PTPDC1: variants seen among roughly 807,000 people sequenced by gnomAD.
The protein encoded by PTPDC1 is protein tyrosine phosphatase domain-containing protein 1.
In PTPDC1, 53 loss-of-function variants were observed where a neutral mutation model predicts 75.3. That is an observed-to-expected ratio of 0.70 (90% confidence interval 0.56 to 0.88). PTPDC1 has a LOEUF of 0.88. Among genes scored for constraint, PTPDC1 ranks in the 40% least tolerant of loss-of-function variants. The probability of loss-of-function intolerance (pLI) is 0.00; values close to 1 mark genes in which losing one functional copy is unlikely to be tolerated. For synonymous variants in PTPDC1, 349 were observed against 366.2 expected (o/e 0.95, Z 0.54); for missense variants, 925 against 998.6 (o/e 0.93, Z 0.99).
Position 94,087,923 on chromosome 9 carries a change from A to T in PTPDC1, c.497+12A>T. 6.2e-7 allele frequency: 1 copy of T among 1,605,846 alleles called. No individual in the cohort carries two copies. The highest frequency in any genetic ancestry group is 8.5e-7 in the Non-Finnish European group (1 of 1,172,660). On this transcript the variant is annotated intron_variant, in intron 3 of 8. Coordinates refer to ENST00000620992, the MANE Select transcript of PTPDC1 (RefSeq NM_001253829.2). ...GATCAGTTCCTCAGGTAAATGCTGTATTGTTCACACACGAGTGAGCAAACT... is the reference window on the plus strand; with the variant it reads ...GATCAGTTCCTCAGGTAAATGCTGTTTTGTTCACACACGAGTGAGCAAACT...
chr9:94,088,053 A>T (rs1358739647), intron 3 of PTPDC1, 92 bp from the exon 4 acceptor site: 13 of 1,499,998 alleles, frequency 8.7e-6, no homozygotes, highest in Non-Finnish European at 1.0e-5. Flanking sequence ...AAGATTTTTG[A>T]GAGTAATTAA....
chr9:94,104,682 T>C lies in PTPDC1; in HGVS notation c.2310+297T>C, dbSNP rs565895402. Among the ~76,000 whole-genome samples the C allele has an allele frequency of 8.1e-4, 123 of 152,364 alleles. 1 individual carries two copies. Among genetic ancestry groups the C allele is most frequent in the African/African-American group, 2.9e-3 (121 of 41,588 alleles). On this transcript the variant is annotated intron_variant, in intron 8 of 8. Coordinates refer to ENST00000620992, the MANE Select transcript of PTPDC1 (RefSeq NM_001253829.2). The stretch of plus-strand genomic sequence containing the variant: ...CAACTGAGTGTTGAATACATATTTT[T>C]AGATCATGTGCCTAATCAGAGTCAG...
intron 2 of PTPDC1, among the ~76,000 whole-genome samples, chr9:94,067,820 TC>T (rs1474015157): frequency 6.6e-6 from 1 of 152,196 alleles, no homozygotes; most frequent in East Asian, 1.9e-4. Flanking sequence ...CAGGCTGGTC[TC>T]AAACTCCTGG....
chr9:94,042,379 C>T (rs1012210430), intron 1 of PTPDC1, among the ~76,000 whole-genome samples: 1 of 152,094 alleles, frequency 6.6e-6, no homozygotes, highest in Non-Finnish European at 1.5e-5. Flanking sequence ...AGAGATATTG[C>T]AGGTTGGTTC....
intron 1 of PTPDC1, among the ~76,000 whole-genome samples, chr9:94,043,324 C>A (rs1181468573): frequency 6.6e-6 from 1 of 152,154 alleles, no homozygotes; most frequent in African/African-American, 2.4e-5. Context: ...CTATACTGAG[C>A]ATCTTTTCAT....
Position 94,109,440 on chromosome 9 carries a change from C to G in PTPDC1, c.*1496C>G, listed in dbSNP as rs1198096664. On this transcript the variant is annotated 3_prime_UTR_variant, in exon 9 of 9. Coordinates refer to ENST00000620992, the MANE Select transcript of PTPDC1 (RefSeq NM_001253829.2). ...AATGCCAAATGCTAAATGCAGTGTT[C>G]TTTCACACTGTTTTAATTTTCTTGG... The G allele has an allele frequency of 2.0e-5, 3 of 152,178 alleles. No individual in the cohort carries two copies. The East Asian group carries it at 5.8e-4, about 29-fold the overall frequency. 9.4% of individuals were successfully genotyped at this position (152,178 alleles called of 1,614,324 possible).
At chr9:94,095,261 T>G in intron 4 of PTPDC1, 56 bp from the exon 5 acceptor site, 1 of 1,185,726 alleles carries the variant, frequency 8.4e-7, no homozygotes, top group Non-Finnish European at 1.1e-6. Flanking sequence ...CATTAGTGTT[T>G]GTACTTTCAT....
chr9:94,064,582 C>G (rs1826239896), intron 1 of PTPDC1, among the ~76,000 whole-genome samples: 1 of 152,186 alleles, frequency 6.6e-6, no homozygotes, highest in African/African-American at 2.4e-5. Flanking sequence ...TTACACTTAA[C>G]AGCACATCTC....
chr9:94,081,750 A>G (rs943102728), upstream of PTPDC1, among the ~76,000 whole-genome samples: 1 of 152,172 alleles, frequency 6.6e-6, no homozygotes, highest in African/African-American at 2.4e-5. Context: ...TTGGAGGTTT[A>G]GCTATGAAGG....
chr9:94,061,750 C>T (rs1367466590), intron 1 of PTPDC1, among the ~76,000 whole-genome samples: 2 of 152,218 alleles, frequency 1.3e-5, no homozygotes, highest in Non-Finnish European at 2.9e-5. Flanking sequence ...GAGCAGTGTC[C>T]TGGGGCTGCA....
chr9:94,054,110 T>C (rs747722502), intron 1 of PTPDC1, among the ~76,000 whole-genome samples: 6 of 152,236 alleles, frequency 3.9e-5, no homozygotes, highest in Non-Finnish European at 7.3e-5. Context: ...TATTCCCTCA[T>C]GGAGCTTACA....
At chr9:94,071,569 G>A (rs1826512674) in intron 2 of PTPDC1, among the ~76,000 whole-genome samples, 1 of 152,154 alleles carries the variant, frequency 6.6e-6, no homozygotes, top group African/African-American at 2.4e-5. Flanking sequence ...CTATCCCAGT[G>A]CCCTGAAGCT....
Position 94,095,248 on chromosome 9 carries a change from T to TGCCG in PTPDC1, c.617-69_617-68insGCCG. The TGCCG allele has an allele frequency of 5.1e-6, 5 of 979,116 alleles. No homozygotes were observed. The South Asian group carries it at 8.1e-5, about 16-fold the overall frequency. The allele number at this position is 979,116 out of a possible 1,614,324, so 60.7% of individuals were successfully genotyped here. On this transcript the variant is annotated intron_variant, in intron 4 of 8. Transcript: ENST00000620992. ...CAGTCTCAGTGTAGATCTGTGTACT[T>TGCCG]TTCATTAGTGTTTGTACTTTCATTA...
At chr9:94,035,532 TAGTA>T (rs1429722277) in intron 1 of PTPDC1, among the ~76,000 whole-genome samples, 10 of 152,238 alleles carry the variant, frequency 6.6e-5, no homozygotes, top group African/African-American at 2.2e-4. Flanking sequence ...TAAGGCTGAA[TAGTA>T]GTCCATTGTG....
intron 1 of PTPDC1, among the ~76,000 whole-genome samples, chr9:94,049,133 C>A (rs1020784263): frequency 2.8e-4 from 43 of 152,030 alleles, no homozygotes; most frequent in Non-Finnish European, 1.0e-4. Flanking sequence ...AATACAGCAC[C>A]CTGTTGGGTC....
intron 1 of PTPDC1, among the ~76,000 whole-genome samples, chr9:94,058,726 A>G (rs997320488): frequency 6.7e-6 from 1 of 149,344 alleles, no homozygotes; most frequent in Non-Finnish European, 1.5e-5. Flanking sequence ...CAAAAAAGCT[A>G]TTAAAAACCC....
At chr9:94,100,036 A>G (rs962576210) in intron 6 of PTPDC1, 2 of 152,272 alleles carry the variant, frequency 1.3e-5, no homozygotes, top group Non-Finnish European at 2.9e-5. Context: ...CCATGCCTGT[A>G]CTAGACCATT....
intron 2 of PTPDC1, among the ~76,000 whole-genome samples, chr9:94,067,077 T>C (rs1448534216): frequency 1.3e-5 from 2 of 152,064 alleles, no homozygotes; most frequent in Non-Finnish European, 2.9e-5. Context: ...ACTCAAGGCA[T>C]CGCGTCATTT....
intron 1 of PTPDC1, among the ~76,000 whole-genome samples, chr9:94,036,906 C>A (rs1825290710): frequency 6.6e-6 from 1 of 152,184 alleles, no homozygotes; most frequent in Non-Finnish European, 1.5e-5. Context: ...TAATTTGTAG[C>A]AATCTACCCT....
Sources: allele counts gnomAD v4.1 joint callset (sites outside exome capture counted in the v4.1 genomes callset), GRCh38; gene constraint gnomAD v4.1.1; transcripts MANE v1.5; gene names NCBI Gene and HGNC (gene_info 2026-07-23, HGNC 2026-07-21).